PVT1: variants seen among roughly 807,000 people sequenced by gnomAD.
PVT1 encodes the protein Pvt1 oncogene.
chr8:127,967,625 C>A (rs1816717567), intron 3 of PVT1, among the ~76,000 whole-genome samples: 1 of 152,220 alleles, frequency 6.6e-6, no homozygotes. Flanking sequence ...GAAAGGCTCA[C>A]CCTGTATTTT....
Position 127,876,603 on chromosome 8 carries a change from C to T in PVT1, n.373-13986C>T, listed in dbSNP as rs542573590. Among the ~76,000 whole-genome samples the T allele has an allele frequency of 8.3e-4, 127 of 152,098 alleles. 1 individual carries two copies. The highest frequency in any genetic ancestry group is 1.5e-3 in the Non-Finnish European group (102 of 68,008). On this transcript the variant is annotated intron_variant and non_coding_transcript_variant, in intron 2 of 10. Coordinates refer to ENST00000651587, the Ensembl canonical transcript of PVT1. ...TTCCCTGGATGATATTAGCATTACCCGTACACTCTTCCCATCTCCTGGCCC... is the reference window on the plus strand; with the variant it reads ...TTCCCTGGATGATATTAGCATTACCTGTACACTCTTCCCATCTCCTGGCCC...
In PVT1 at chr8:127,818,781, A is replaced by G. The variant is rs1473470338; in HGVS notation, n.372+22710A>G. On this transcript the variant is annotated intron_variant and non_coding_transcript_variant, in intron 2 of 10. Coordinates refer to ENST00000651587, the Ensembl canonical transcript of PVT1. The stretch of plus-strand genomic sequence containing the variant: ...CTAGAAAATAAGTGGTACTCACTAG[A>G]TCCTTACCTTGTTGTGAGAGTAGAA... Among the ~76,000 whole-genome samples the G allele has an allele frequency of 3.3e-5, 5 of 152,254 alleles. No homozygotes were observed. The East Asian group carries it at 9.6e-4, about 29-fold the overall frequency.
intron 5 of PVT1, among the ~76,000 whole-genome samples, chr8:128,091,226 G>A: frequency 6.6e-6 from 1 of 152,164 alleles, no homozygotes; most frequent in South Asian, 2.1e-4. Flanking sequence ...GCGTTCATGA[G>A]TTTGTTTCTC....
chr8:128,046,642 C>T (rs1813616818), intron 4 of PVT1, among the ~76,000 whole-genome samples: 1 of 152,228 alleles, frequency 6.6e-6, no homozygotes, highest in Non-Finnish European at 1.5e-5. Flanking sequence ...CTTAGCACAG[C>T]ACCTGAGAAA....
intron 2 of PVT1, among the ~76,000 whole-genome samples, chr8:127,853,846 G>C (rs145534020): frequency 6.6e-6 from 1 of 151,712 alleles, no homozygotes; most frequent in African/African-American, 2.4e-5. Flanking sequence ...GAAGAAAGGC[G>C]GGGCACGATG....
At chr8:127,893,246 TTA>T (rs1242389487) in intron 3 of PVT1, among the ~76,000 whole-genome samples, 7 of 152,168 alleles carry the variant, frequency 4.6e-5, no homozygotes, top group African/African-American at 1.7e-4. Context: ...ATTATGATGA[TTA>T]TCTGTTTTAC....
intron 4 of PVT1, among the ~76,000 whole-genome samples, chr8:128,024,401 TG>T (rs1221916735): frequency 3.9e-5 from 6 of 152,058 alleles, no homozygotes; most frequent in Admixed American, 2.0e-4. Context: ...GGCAGGTGGA[TG>T]GTTTGAGCCC....
intron 2 of PVT1, among the ~76,000 whole-genome samples, chr8:127,880,051 A>G (rs1815447709): frequency 1.3e-5 from 2 of 152,214 alleles, no homozygotes. Context: ...TATGTGGTCC[A>G]ACCTTTCCTC....
At chr8:127,795,407 A>G (rs1301023285) in intron 1 of PVT1, among the ~76,000 whole-genome samples, 4 of 152,160 alleles carry the variant, frequency 2.6e-5, no homozygotes, top group Non-Finnish European at 4.4e-5. Flanking sequence ...TGGATGCCTC[A>G]TGCCTTTTCC....
intron 3 of PVT1, among the ~76,000 whole-genome samples, chr8:127,893,307 T>A (rs1815633835): frequency 1.3e-5 from 2 of 152,198 alleles, no homozygotes; most frequent in South Asian, 4.1e-4. Context: ...GACTGAGTCT[T>A]ACTCTATCAT....
chr8:127,848,337 G>C (rs1815060786), intron 2 of PVT1, among the ~76,000 whole-genome samples: 1 of 151,650 alleles, frequency 6.6e-6, no homozygotes, highest in African/African-American at 2.4e-5. Flanking sequence ...GGTTGCTTGA[G>C]CCCAGGAATT....
chr8:127,917,530 C>G (rs890964953), intron 3 of PVT1, among the ~76,000 whole-genome samples: 2 of 152,300 alleles, frequency 1.3e-5, no homozygotes, highest in Non-Finnish European at 2.9e-5. Context: ...CTCAAGAGGC[C>G]CCTTTTAGCC....
At chr8:127,983,578 C>G (rs1197582292) in intron 3 of PVT1, among the ~76,000 whole-genome samples, 1 of 152,142 alleles carries the variant, frequency 6.6e-6, no homozygotes, top group Non-Finnish European at 1.5e-5. Flanking sequence ...ACACTCCACC[C>G]CACCACCAAA....
intron 4 of PVT1, chr8:127,999,060 C>T (rs1817143924): frequency 6.6e-6 from 1 of 152,176 alleles, no homozygotes; most frequent in Non-Finnish European, 1.5e-5. Context: ...TCCAGATCTT[C>T]TCAACTGACA....
In PVT1 at chr8:127,898,125, G is replaced by A. The variant is rs1005629929; in HGVS notation, n.782+7127G>A. Among the ~76,000 whole-genome samples the A allele has an allele frequency of 1.7e-4, 25 of 149,106 alleles. No homozygotes were observed. The highest frequency in any genetic ancestry group is 1.5e-3 in the Admixed American group (23 of 14,934). On this transcript the variant is annotated intron_variant and non_coding_transcript_variant, in intron 3 of 10. Coordinates refer to ENST00000651587, the Ensembl canonical transcript of PVT1. This position sits in a 1 kb window ranked among gnomAD's most constrained non-coding sequence, Gnocchi z 4.4. Reference sequence around the variant, plus strand: ...AAAGAAGGAAGGAAGGAAGAAAGAAGGAAAGAAAGAAGATTCATTATTCTG... The same window carrying A: ...AAAGAAGGAAGGAAGGAAGAAAGAAAGAAAGAAAGAAGATTCATTATTCTG...
intron 4 of PVT1, among the ~76,000 whole-genome samples, chr8:128,068,743 C>T (rs1813944658): frequency 1.3e-5 from 2 of 152,184 alleles, no homozygotes; most frequent in Admixed American, 6.5e-5. Flanking sequence ...CCACCTGTCT[C>T]GGCCTCTCAA....
At chr8:127,984,852 T>C (rs1445244494) in intron 3 of PVT1, among the ~76,000 whole-genome samples, 2 of 30,758 alleles carry the variant, frequency 6.5e-5, no homozygotes, top group African/African-American at 1.7e-4. Context: ...TTTCTTTCTT[T>C]CTTTCTTTCT....
intron 4 of PVT1, among the ~76,000 whole-genome samples, chr8:128,054,230 GACTT>G (rs1442351893): frequency 2.0e-5 from 3 of 152,190 alleles, no homozygotes; most frequent in East Asian, 1.9e-4. Context: ...TTTCACCAGT[GACTT>G]ACTTTATTGC....
chr8:127,866,803 C>T (rs564536542), intron 2 of PVT1, among the ~76,000 whole-genome samples: 18 of 152,274 alleles, frequency 1.2e-4, no homozygotes, highest in African/African-American at 3.9e-4. Flanking sequence ...TCTTGGGCTC[C>T]GAGACCTAGG....
Sources: gnomAD v4.1 joint callset for allele counts (sites outside exome capture counted in the v4.1 genomes callset) on GRCh38, gnomAD v4.1.1 for gene constraint, Gnocchi (gnomAD v3.1) non-coding constraint, MANE v1.5 for transcripts, NCBI Gene and HGNC (gene_info 2026-07-23, HGNC 2026-07-21) for gene names.